Variants in FBXO42 observed in about 807,000 individuals in gnomAD.
FBXO42 encodes F-box only protein 42.
A neutral mutation model predicts 71.7 loss-of-function variants in FBXO42; 12 were observed. The ratio of observed to expected loss-of-function variants is 0.17; its 90% CI spans 0.11 to 0.27. The LOEUF (loss-of-function observed/expected upper bound fraction) is 0.27. Ranked by LOEUF, FBXO42 falls within the 10% of genes least tolerant of loss-of-function variation. The pLI is 1.00. For synonymous variants in FBXO42, 325 were observed against 327.5 expected (o/e 0.99, Z 0.08); for missense variants, 707 against 911.9 (o/e 0.78, Z 2.89).
At position 16,252,098 on chromosome 1, in the gene FBXO42, A is replaced by G. The variant is rs896169293; in HGVS notation, c.1038+190T>C. On this transcript the variant is annotated intron_variant, in intron 9 of 9. Transcript: ENST00000375592. The surrounding 1 kb of genome is among the most constrained non-coding windows in gnomAD (Gnocchi z 4.4). ...GATGCTTAAAGTTGGGACTTACTGA[A>G]TGAGTAGGGCCCCTGTAAGTTTTCC... 1.3e-5 allele frequency among the ~76,000 whole-genome samples: 2 copies of G among 152,222 alleles called. No individual in the cohort carries two copies. The highest frequency in any genetic ancestry group is 6.5e-5 in the Admixed American group (1 of 15,284).
intron 1 of FBXO42, among the ~76,000 whole-genome samples, chr1:16,349,641 G>A (rs1233312823): frequency 6.6e-6 from 1 of 152,126 alleles, no homozygotes; most frequent in Non-Finnish European, 1.5e-5. Context: ...CAGGTGGATC[G>A]CCTGCGGTCA....
In FBXO42 at chr1:16,251,333, T is replaced by G. The variant is rs140348762; in HGVS notation, c.1491A>C (p.Leu497Phe). Residue 497 changes from leucine to phenylalanine, a missense_variant, in exon 10 of 10, where the codon TTA becomes TTC. Physicochemically the swap from Leu to Phe is conservative, Grantham distance 22. Around this residue, in one of 5 missense-constraint regions of FBXO42, gnomAD observed 482 missense variants for 587.1 expected, o/e 0.82. Coordinates refer to ENST00000375592, the MANE Select transcript of FBXO42 (RefSeq NM_018994.3). This position sits in a 1 kb window ranked among gnomAD's most constrained non-coding sequence, Gnocchi z 4.5. Reference protein sequence around the residue: ...GSLPDQKDLRLGSIDLNWDLK... With the variant: ...GSLPDQKDLRFGSIDLNWDLK... ...GATCCCAATTCAGATCTATGGATCC[T>G]AATCTCAGATCTTTCTGATCTGGTA... 1.2e-6 allele frequency: 2 copies of G among 1,614,090 alleles called. No individual in the cohort carries two copies. The highest frequency in any genetic ancestry group is 2.7e-5 in the African/African-American group (2 of 74,940).
intron 3 of FBXO42, among the ~76,000 whole-genome samples, chr1:16,303,172 AGGCT>A (rs747500911): frequency 1.3e-5 from 2 of 152,208 alleles, no homozygotes; most frequent in Non-Finnish European, 2.9e-5. Context: ...GCAGTGAGTC[AGGCT>A]GAAAAGGCAA....
At chr1:16,343,690 G>A (rs1205491619) in intron 1 of FBXO42, among the ~76,000 whole-genome samples, 4 of 152,102 alleles carry the variant, frequency 2.6e-5, no homozygotes, top group African/African-American at 9.7e-5. Context: ...AGGCGTGGTG[G>A]TGGGTGCCTA....
At chr1:16,350,573 C>CAA (rs60358251) in intron 1 of FBXO42, among the ~76,000 whole-genome samples, 897 of 66,720 alleles carry the variant, frequency 0.013, 13 homozygotes, top group African/African-American at 0.037. Flanking sequence ...ACTAAAATTA[C>CAA]AAAAAAAAAA....
At chr1:16,292,111 A>T (rs2082085362) in intron 4 of FBXO42, among the ~76,000 whole-genome samples, 1 of 152,244 alleles carries the variant, frequency 6.6e-6, no homozygotes, top group South Asian at 2.1e-4. Context: ...TTAGAAAATT[A>T]CTTTAAACAT....
chr1:16,320,322 C>T (rs1394495186), intron 1 of FBXO42, among the ~76,000 whole-genome samples: 1 of 149,332 alleles, frequency 6.7e-6, no homozygotes, highest in Non-Finnish European at 1.5e-5. Context: ...GATCATGCCA[C>T]CGCACTCTAG....
rs1447631172 is a variant in FBXO42, at chr1:16,334,103, A to G, written c.-18+18152T>C. ...ATAATATGAAATTCAGCTACCAGAC[A>G]GAAATATGGGGAGGACAGAAGTGTT... On this transcript the variant is annotated intron_variant, in intron 1 of 9. Coordinates refer to ENST00000375592, the MANE Select transcript of FBXO42 (RefSeq NM_018994.3). Among the ~76,000 whole-genome samples, 5 of 152,224 alleles carry G rather than the reference A, an allele frequency of 3.3e-5. No individual in the cohort carries two copies. In the East Asian group the frequency reaches 9.6e-4, roughly 29 times the overall value.
At chr1:16,316,730 C>CAAAAAAAAAAAAAA (rs71003274) in intron 1 of FBXO42, among the ~76,000 whole-genome samples, 4 of 51,562 alleles carry the variant, frequency 7.8e-5, no homozygotes, top group African/African-American at 1.6e-4. Flanking sequence ...GAAAGACTCT[C>CAAAAAAAAAAAAAA]AAAAAAAAAA....
intron 1 of FBXO42, among the ~76,000 whole-genome samples, chr1:16,324,421 C>A (rs2082434006): frequency 6.6e-6 from 1 of 152,016 alleles, no homozygotes; most frequent in Admixed American, 6.6e-5. Context: ...TAATAAATGA[C>A]CTATGAGACA....
intron 4 of FBXO42, among the ~76,000 whole-genome samples, chr1:16,262,691 A>G (rs1214888189): frequency 6.6e-6 from 1 of 152,088 alleles, no homozygotes; most frequent in South Asian, 2.1e-4. Flanking sequence ...GGATCCATCA[A>G]TTTTGGCAAT....
chr1:16,286,234 C>T (rs1010293277), intron 4 of FBXO42, among the ~76,000 whole-genome samples: 1 of 152,074 alleles, frequency 6.6e-6, no homozygotes, highest in African/African-American at 2.4e-5. Flanking sequence ...GCTTTAAATC[C>T]ATCTGGATTA....
chr1:16,342,077 G>C (rs1196979965), intron 1 of FBXO42, among the ~76,000 whole-genome samples: 2 of 151,318 alleles, frequency 1.3e-5, no homozygotes, highest in Admixed American at 1.3e-4. Context: ...AGGGGTTCAG[G>C]ACCACCCTGG....
intron 1 of FBXO42, among the ~76,000 whole-genome samples, chr1:16,338,354 CAAAAAAA>C (rs55865669): frequency 5.2e-4 from 56 of 108,164 alleles, no homozygotes; most frequent in African/African-American, 2.1e-3. Flanking sequence ...GCCCTATCTC[CAAAAAAA>C]AAAAAAAAAA....
chr1:16,343,907 G>T (rs1318964670), intron 1 of FBXO42, among the ~76,000 whole-genome samples: 2 of 147,868 alleles, frequency 1.4e-5, no homozygotes, highest in Non-Finnish European at 3.0e-5. Flanking sequence ...TGAGCCAGGA[G>T]ATTGGGGCTG....
intron 4 of FBXO42, among the ~76,000 whole-genome samples, chr1:16,287,840 T>G (rs1267125993): frequency 6.6e-6 from 1 of 152,006 alleles, no homozygotes; most frequent in African/African-American, 2.4e-5. Context: ...TCCCAGCACT[T>G]TGGGAAGCCG....
intron 1 of FBXO42, among the ~76,000 whole-genome samples, chr1:16,326,369 T>G (rs2082451800): frequency 6.6e-6 from 1 of 151,016 alleles, no homozygotes; most frequent in South Asian, 2.1e-4. Context: ...TTATTGTTAA[T>G]ACAACTACTC....
chr1:16,269,750 C>T (rs2081818920), intron 4 of FBXO42, among the ~76,000 whole-genome samples: 2 of 152,110 alleles, frequency 1.3e-5, no homozygotes, highest in South Asian at 4.2e-4. Context: ...GTCTCAAACT[C>T]CCAATCTCAG....
chr1:16,288,302 T>C (rs1412096457), intron 4 of FBXO42, among the ~76,000 whole-genome samples: 1 of 152,042 alleles, frequency 6.6e-6, no homozygotes, highest in South Asian at 2.1e-4. Flanking sequence ...TGGTGGCACA[T>C]GCCTGTAACC....
Sources: gnomAD v4.1 joint callset for allele counts (sites outside exome capture counted in the v4.1 genomes callset) on GRCh38, gnomAD v4.1.1 for gene constraint, gnomAD v4.1.1 regional missense constraint, Gnocchi (gnomAD v3.1) non-coding constraint, MANE v1.5 for transcripts, NCBI Gene and HGNC (gene_info 2026-07-23, HGNC 2026-07-21) for gene names.